FNDC3B: variants seen among roughly 807,000 people sequenced by gnomAD.
The protein encoded by FNDC3B is fibronectin type III domain containing 3B.
In FNDC3B, 12 loss-of-function variants were observed where a neutral mutation model predicts 151.5. The observed-to-expected ratio is 0.08, with a 90% confidence interval of 0.05 to 0.13. FNDC3B has a LOEUF of 0.13. Among genes scored for constraint, FNDC3B ranks in the 10% least tolerant of loss-of-function variants. The pLI is 1.00. For missense variants in FNDC3B, 1,214 were observed against 1,505.3 expected, an observed-to-expected ratio of 0.81 and a Z score of 3.20; for synonymous variants, 528 against 549.0, an observed-to-expected ratio of 0.96 and a Z score of 0.54.
chr3:172,052,072 C>G (rs1258661907), intron 1 of FNDC3B, among the ~76,000 whole-genome samples: 1 of 150,358 alleles, frequency 6.7e-6, no homozygotes, highest in Non-Finnish European at 1.5e-5. Context: ...TAAAAATAAT[C>G]TTTGTCTGTC....
intron 10 of FNDC3B, among the ~76,000 whole-genome samples, chr3:172,308,417 AG>A (rs1731300849): frequency 6.6e-6 from 1 of 152,250 alleles, no homozygotes; most frequent in Non-Finnish European, 1.5e-5. Flanking sequence ...AAATAGATGG[AG>A]GTAGAGATAA....
intron 1 of FNDC3B, among the ~76,000 whole-genome samples, chr3:172,057,546 A>G (rs1716974381): frequency 1.3e-5 from 2 of 152,206 alleles, no homozygotes; most frequent in African/African-American, 4.8e-5. Context: ...GGGAAGAACA[A>G]AACTTTTACT....
Position 172,190,709 on chromosome 3 carries a change from C to T in FNDC3B, c.188-36162C>T, listed in dbSNP as rs556446186. On this transcript the variant is annotated intron_variant, in intron 3 of 25. Coordinates refer to ENST00000415807, the MANE Select transcript of FNDC3B (RefSeq NM_022763.4). ...TTGAGATGGAGTTTTGCTCTTATTG[C>T]CCAGGCTGGAGTGCAATGGCACGAT... is the stretch of plus-strand genomic sequence containing the variant. Among the ~76,000 whole-genome samples the T allele has an allele frequency of 2.0e-4, 30 of 152,242 alleles. 1 individual carries two copies. Among genetic ancestry groups the T allele is most frequent in the East Asian group, 1.4e-3 (7 of 5,176 alleles).
chr3:172,364,092 T>G (rs995307772), intron 23 of FNDC3B, among the ~76,000 whole-genome samples: 22 of 152,160 alleles, frequency 1.4e-4, no homozygotes, highest in African/African-American at 4.8e-4. Context: ...AGGTAAAGCT[T>G]CTTTTGATAG....
chr3:172,168,413 A>G (rs1310851640), intron 3 of FNDC3B, among the ~76,000 whole-genome samples: 1 of 152,156 alleles, frequency 6.6e-6, no homozygotes, highest in Non-Finnish European at 1.5e-5. Flanking sequence ...CTACCATTCT[A>G]TGGCACCTTT....
chr3:172,386,567 C>A (rs1219315779), intron 25 of FNDC3B, among the ~76,000 whole-genome samples: 2 of 151,870 alleles, frequency 1.3e-5, no homozygotes, highest in Non-Finnish European at 2.9e-5. Context: ...ACAGTGAAAC[C>A]CTGTCTCTAC....
intron 6 of FNDC3B, among the ~76,000 whole-genome samples, chr3:172,263,775 G>T (rs1057041236): frequency 6.6e-6 from 1 of 152,068 alleles, no homozygotes; most frequent in Non-Finnish European, 1.5e-5. Context: ...TAATCTCTGG[G>T]TATAGTGGTC....
chr3:172,378,176 G>T (rs1198992172), intron 23 of FNDC3B, 94 bp from the exon 24 acceptor site: 2 of 1,016,982 alleles, frequency 2.0e-6, no homozygotes, highest in African/African-American at 1.6e-5. Context: ...CGTTTACCAG[G>T]TTGGCCTAAT....
At chr3:172,229,139 TCTC>T (rs1400157881) in intron 4 of FNDC3B, among the ~76,000 whole-genome samples, 1 of 102,708 alleles carries the variant, frequency 9.7e-6, no homozygotes, top group Admixed American at 9.2e-5. Flanking sequence ...ACACACACAA[TCTC>T]CTGCAGCAGG....
intron 2 of FNDC3B, among the ~76,000 whole-genome samples, chr3:172,118,858 A>G (rs1397783930): frequency 6.6e-6 from 1 of 152,140 alleles, no homozygotes; most frequent in Non-Finnish European, 1.5e-5. Flanking sequence ...CTCTCCTTTG[A>G]AATTTGGGGT....
At chr3:172,137,507 T>C (rs1265828242) in intron 3 of FNDC3B, among the ~76,000 whole-genome samples, 1 of 151,868 alleles carries the variant, frequency 6.6e-6, no homozygotes, top group Non-Finnish European at 1.5e-5. Context: ...AAAGAAAAAA[T>C]TAGTCAGGTG....
chr3:172,171,135 T>C (rs1259832470), intron 3 of FNDC3B, among the ~76,000 whole-genome samples: 1 of 152,330 alleles, frequency 6.6e-6, no homozygotes, highest in Non-Finnish European at 1.5e-5. Flanking sequence ...TGGAGGTTCC[T>C]GTGTCCATTA....
rs62283821 is a variant in FNDC3B at position 172,134,753 on chromosome 3, T to C, written c.187+1207T>C. On this transcript the variant is annotated intron_variant, in intron 3 of 25. Transcript: ENST00000415807. ...GAAATTATTTAATCACTTTTATTAA[T>C]GATTTCTACTCTGCATTTCTCTGTT... Among the ~76,000 whole-genome samples, 716 of 152,308 alleles carry C rather than the reference T, an allele frequency of 4.7e-3. 6 individuals carry two copies. Among genetic ancestry groups the C allele is most frequent in the Non-Finnish European group, 7.6e-3 (519 of 68,010 alleles).
At chr3:172,241,199 G>T (rs1348713953) in intron 4 of FNDC3B, among the ~76,000 whole-genome samples, 1 of 152,178 alleles carries the variant, frequency 6.6e-6, no homozygotes, top group East Asian at 1.9e-4. Flanking sequence ...TAAGGTAGAA[G>T]AAAGTGCTGG....
chr3:172,287,418 A>G (rs1204316058), intron 7 of FNDC3B, among the ~76,000 whole-genome samples: 2 of 152,242 alleles, frequency 1.3e-5, no homozygotes, highest in African/African-American at 4.8e-5. Context: ...CAGGGAGATC[A>G]CATGCATAGC....
intron 12 of FNDC3B, 46 bp from the exon 13 acceptor site, chr3:172,330,495 C>T: frequency 2.0e-6 from 3 of 1,533,912 alleles, no homozygotes; most frequent in Non-Finnish European, 2.7e-6. Flanking sequence ...AATGCCAAGC[C>T]TCTTCACATG....
intron 3 of FNDC3B, among the ~76,000 whole-genome samples, chr3:172,180,900 A>G (rs576270299): frequency 3.3e-5 from 5 of 152,270 alleles, no homozygotes; most frequent in Admixed American, 2.0e-4. Flanking sequence ...GAAGCGGGAA[A>G]AATTGGTATC....
intron 1 of FNDC3B, among the ~76,000 whole-genome samples, chr3:172,111,902 C>T (rs966842483): frequency 2.6e-5 from 4 of 151,972 alleles, no homozygotes; most frequent in African/African-American, 4.8e-5. Flanking sequence ...TGTGTGAGAG[C>T]GTGTGTGTGT....
chr3:172,137,138 T>G (rs1397487090), intron 3 of FNDC3B, among the ~76,000 whole-genome samples: 3 of 152,138 alleles, frequency 2.0e-5, no homozygotes, highest in Non-Finnish European at 2.9e-5. Context: ...AGCCTTCAGA[T>G]TAGGGACTGC....
Sources: gnomAD v4.1 joint callset for allele counts (sites outside exome capture counted in the v4.1 genomes callset) on GRCh38, gnomAD v4.1.1 for gene constraint, MANE v1.5 for transcripts, NCBI Gene and HGNC (gene_info 2026-07-23, HGNC 2026-07-21) for gene names.